Variants in BLTP2 observed in about 807,000 individuals in gnomAD.
The protein encoded by BLTP2 is U937-associated antigen.
chr17:28,637,711 G>A, the BLTP2 span: 1 of 820,376 alleles, frequency 1.2e-6, no homozygotes, highest in African/African-American at 1.7e-5. Flanking sequence ...TCGCTCGTTT[G>A]CCCAGGCTCG....
the BLTP2 span, chr17:28,617,054 C>T: frequency 4.3e-6 from 6 of 1,382,036 alleles, no homozygotes; most frequent in Non-Finnish European, 6.1e-6. Flanking sequence ...TGCCATAAAG[C>T]AACCCACAAA....
chr17:28,645,101 C>G, the BLTP2 span: 1 of 1,534,320 alleles, frequency 6.5e-7, no homozygotes, highest in Non-Finnish European at 8.8e-7. Flanking sequence ...CCCGCCATGC[C>G]GGGCCCCGAC....
chr17:28,636,906 G>T, the BLTP2 span: 38 of 1,247,896 alleles, frequency 3.0e-5, no homozygotes, highest in Non-Finnish European at 4.3e-5. Flanking sequence ...AAAAGACAGA[G>T]AAAGGCTCTA....
At chr17:28,614,922 C>T in the BLTP2 span, 6 of 745,766 alleles carry the variant, frequency 8.0e-6, no homozygotes, top group South Asian at 1.0e-4. Context: ...CTGCAGCGAA[C>T]AGACCAGGTG....
chr17:28,643,194 G>A, the BLTP2 span: 8 of 1,614,092 alleles, frequency 5.0e-6, no homozygotes, highest in Non-Finnish European at 6.8e-6. Context: ...AGGATGGGCT[G>A]AAGGACAGTT....
chr17:28,632,951 G>A, the BLTP2 span: 1 of 1,531,128 alleles, frequency 6.5e-7, no homozygotes, highest in South Asian at 1.3e-5. Context: ...CTTCCACTGT[G>A]CCGAGTCAGA....
chr17:28,634,584 G>A, the BLTP2 span: 11 of 1,614,016 alleles, frequency 6.8e-6, 1 homozygote, highest in South Asian at 1.1e-4. Flanking sequence ...ATCCCTCAGG[G>A]GGAAAAGGGC....
chr17:28,639,229 A>G, the BLTP2 span: 3 of 1,368,792 alleles, frequency 2.2e-6, no homozygotes, highest in South Asian at 1.2e-5. Context: ...AACCAAATAC[A>G]TATTTAACAC....
chr17:28,633,243 C>A, the BLTP2 span: 2 of 1,597,608 alleles, frequency 1.3e-6, no homozygotes, highest in South Asian at 1.1e-5. Context: ...CCAACCTGAG[C>A]CCCTCATCCC....
chr17:28,614,632 A>G, the BLTP2 span: 1 of 153,772 alleles, frequency 6.5e-6, no homozygotes, highest in South Asian at 2.0e-4. Flanking sequence ...TCTTTCAAAC[A>G]TGACAGTGGA....
chr17:28,631,407 T>C, the BLTP2 span: 1 of 1,394,778 alleles, frequency 7.2e-7, no homozygotes, highest in Non-Finnish European at 1.0e-6. Context: ...GGTATTTTGT[T>C]ATGGCAGCCC....
At chr17:28,641,122 A>T in the BLTP2 span, among the ~76,000 whole-genome samples, 1 of 152,070 alleles carries the variant, frequency 6.6e-6, no homozygotes, top group Admixed American at 6.5e-5. Context: ...GTCCGCACAT[A>T]CTCAAGTCCA....
At chr17:28,616,488 C>A in the BLTP2 span, 11 of 1,614,038 alleles carry the variant, frequency 6.8e-6, no homozygotes, top group Non-Finnish European at 8.5e-6. The surrounding 1 kb of genome is among the most constrained non-coding windows in gnomAD (Gnocchi z 4.8). Context: ...AATCAGCTGC[C>A]GAGGCTTCAC....
At chr17:28,643,045 C>A in the BLTP2 span, 1 of 1,522,746 alleles carries the variant, frequency 6.6e-7, no homozygotes, top group Non-Finnish European at 9.1e-7. Flanking sequence ...CCCTTCCTTT[C>A]CAGATGAGAA....
the BLTP2 span, chr17:28,640,068 A>G: frequency 1.2e-6 from 2 of 1,603,298 alleles, no homozygotes; most frequent in Non-Finnish European, 1.7e-6. Flanking sequence ...GTGGAATGCC[A>G]TTCCTACTTC....
At chr17:28,638,502 CTA>C in the BLTP2 span, 6 of 1,600,036 alleles carry the variant, frequency 3.7e-6, no homozygotes, top group Non-Finnish European at 4.3e-6. Context: ...ATTCTTGTTC[CTA>C]TTCCATCTGA....
chr17:28,642,246 A>G, the BLTP2 span: 2 of 1,611,732 alleles, frequency 1.2e-6, no homozygotes, highest in Non-Finnish European at 1.7e-6. Flanking sequence ...GGAGGAAATG[A>G]GGCATCTGAA....
the BLTP2 span, chr17:28,620,904 TCTACTGTCTCAAAACCAC>T: frequency 7.7e-7 from 1 of 1,302,314 alleles, no homozygotes; most frequent in African/African-American, 1.5e-5. Context: ...TTTTAATAAC[TCTACTGTCTCAAAACCAC>T]CAAGGAAATA....
the BLTP2 span, chr17:28,618,611 TA>T: frequency 1.9e-6 from 1 of 519,978 alleles, no homozygotes; most frequent in Non-Finnish European, 3.4e-6. Flanking sequence ...TATAAACAGA[TA>T]TATCTAAGGA....
Sources: gnomAD v4.1 joint callset for allele counts (sites outside exome capture counted in the v4.1 genomes callset) on GRCh38, gnomAD v4.1.1 for gene constraint, Gnocchi (gnomAD v3.1) non-coding constraint, MANE v1.5 for transcripts, NCBI Gene and HGNC (gene_info 2026-07-23, HGNC 2026-07-21) for gene names.